Variants in DNAAF5 observed in about 807,000 individuals in gnomAD.
DNAAF5 encodes HEAT repeat containing 2.
DNAAF5 carries 64 observed loss-of-function variants against 75.8 expected under a neutral mutation model. The ratio of observed to expected loss-of-function variants is 0.84; its 90% CI spans 0.69 to 1.04. The LOEUF (loss-of-function observed/expected upper bound fraction) is 1.04, where lower values mean the gene tolerates loss of function less well. Among genes scored for constraint, DNAAF5 ranks in the 50% least tolerant of loss-of-function variants. The pLI is 0.00. For synonymous variants in DNAAF5, 657 were observed against 557.2 expected (o/e 1.18, Z -2.52); for missense variants, 1,269 against 1,178.5 (o/e 1.08, Z -1.12).
At chr7:779,621 G>A (rs1213430293) in intron 11 of DNAAF5, among the ~76,000 whole-genome samples, 1 of 152,076 alleles carries the variant, frequency 6.6e-6, no homozygotes, top group Non-Finnish European at 1.5e-5. Flanking sequence ...GGAGGTGGAG[G>A]GCCAGGTGAG....
chr7:743,237 G>A (rs1007267235), intron 4 of DNAAF5, among the ~76,000 whole-genome samples: 10 of 152,050 alleles, frequency 6.6e-5, no homozygotes, highest in South Asian at 4.1e-4. Flanking sequence ...TTAGCTGGGC[G>A]TGGTGGTGCA....
chr7:734,898 G>C (rs1411489536), intron 2 of DNAAF5, among the ~76,000 whole-genome samples: 1 of 151,994 alleles, frequency 6.6e-6, no homozygotes, highest in Non-Finnish European at 1.5e-5. Flanking sequence ...AGCTGCTCAC[G>C]GTGTTGCTCA....
intron 12 of DNAAF5, among the ~76,000 whole-genome samples, chr7:784,979 G>T (rs546004018): frequency 6.6e-6 from 1 of 152,160 alleles, no homozygotes; most frequent in South Asian, 2.1e-4. Context: ...CAGGTCACTT[G>T]TCCACGTTGT....
In DNAAF5 at chr7:754,549, C is replaced by T. The variant is rs1447380520; in HGVS notation, c.1025-40C>T. On this transcript the variant is annotated intron_variant, in intron 4 of 12. Coordinates refer to ENST00000297440, the MANE Select transcript of DNAAF5 (RefSeq NM_017802.4). This position sits in a 1 kb window ranked among gnomAD's most constrained non-coding sequence, Gnocchi z 4.8. Reference sequence around the variant, plus strand: ...GGTAACTTGAGTTGTTGAGGTTTTGCTTGTGAATTTCTCATTCTTCTTTCC... The same window carrying T: ...GGTAACTTGAGTTGTTGAGGTTTTGTTTGTGAATTTCTCATTCTTCTTTCC... 5.8e-6 allele frequency: 9 copies of T among 1,552,890 alleles called. No homozygotes were observed. The highest frequency in any genetic ancestry group is 1.1e-5 in the South Asian group (1 of 89,446).
intron 11 of DNAAF5, among the ~76,000 whole-genome samples, chr7:777,626 G>T (rs1778806960): frequency 6.6e-6 from 1 of 152,164 alleles, no homozygotes; most frequent in South Asian, 2.1e-4. Flanking sequence ...TACTTAATGT[G>T]ATTATCTATA....
chr7:744,894 C>T (rs547942674), intron 4 of DNAAF5, among the ~76,000 whole-genome samples: 113 of 152,302 alleles, frequency 7.4e-4, no homozygotes, highest in African/African-American at 2.6e-3. Context: ...TGAGCCACCA[C>T]GCCTGGACCA....
rs201909243 is a variant in DNAAF5, at chr7:730,816, C to T, written c.780+969C>T. Among the ~76,000 whole-genome samples, 305 of 149,540 alleles carry T rather than the reference C, an allele frequency of 2.0e-3. 4 individuals are homozygous for T. Among genetic ancestry groups the T allele is most frequent in the Admixed American group, 0.011 (170 of 14,972 alleles). The stretch of plus-strand genomic sequence containing the variant: ...CCACCAGGAGCCTTTGTTCACCCCC[C>T]TTGGTCTCATCAGGCCAGCGGAAGT... On this transcript the variant is annotated intron_variant, in intron 2 of 12. Coordinates refer to ENST00000297440, the MANE Select transcript of DNAAF5 (RefSeq NM_017802.4).
intron 9 of DNAAF5, 195 bp downstream of exon 9, chr7:770,813 C>A (rs1474462617): frequency 1.8e-6 from 1 of 552,504 alleles, no homozygotes; most frequent in East Asian, 2.9e-5. Context: ...CCCTCCCCCA[C>A]GCCGAGTCTA....
chr7:747,385 T>C (rs1183557930), intron 4 of DNAAF5, among the ~76,000 whole-genome samples: 1 of 152,156 alleles, frequency 6.6e-6, no homozygotes, highest in Non-Finnish European at 1.5e-5. Context: ...GTTTTTAGTG[T>C]GTCCAGCTGG....
intron 1 of DNAAF5, among the ~76,000 whole-genome samples, chr7:728,526 A>G (rs1023718762): frequency 2.0e-5 from 3 of 152,228 alleles, no homozygotes; most frequent in African/African-American, 7.2e-5. Context: ...TGGATTTCAC[A>G]TGGTCCAGAA....
chr7:775,984 C>T (rs1264634800), intron 11 of DNAAF5, among the ~76,000 whole-genome samples: 1 of 152,270 alleles, frequency 6.6e-6, no homozygotes. Flanking sequence ...TGGAACCAAA[C>T]CCCACAGATA....
rs749861437 is a variant in DNAAF5 at position 770,542 on chromosome 7, C to T, written c.1855C>T (p.Pro619Ser). The change falls in exon 9 of 13, where the codon CCG (proline) becomes TCG (serine). Residue 619 changes from proline to serine, a missense_variant. By Grantham distance (74) the Pro-to-Ser change is moderately conservative (BLOSUM62 -1). Transcript: ENST00000297440. Reference sequence around the variant, plus strand: ...GGCCTGTCTGCAGCCCTCCCAAGACCCGCAGATGCGCCTGAAGCTGTTCTC... The same window carrying T: ...GGCCTGTCTGCAGCCCTCCCAAGACTCGCAGATGCGCCTGAAGCTGTTCTC... Reference protein sequence around the residue: ...LRACLQPSQDPQMRLKLFSIL... With the variant: ...LRACLQPSQDSQMRLKLFSIL... The T allele has an allele frequency of 1.2e-6, 2 of 1,613,864 alleles. No individual in the cohort carries two copies. The highest frequency in any genetic ancestry group is 1.7e-5 in the Admixed American group (1 of 60,008).
chr7:761,478 C>G (rs1281476890), intron 6 of DNAAF5, among the ~76,000 whole-genome samples: 1 of 152,268 alleles, frequency 6.6e-6, no homozygotes, highest in Non-Finnish European at 1.5e-5. Flanking sequence ...GCCTCACCAT[C>G]ATGGTGGAAG....
In DNAAF5 at chr7:729,820, T is replaced by C. The variant is rs1245808637; in HGVS notation, c.753T>C (p.Ala251=). The C allele has an allele frequency of 1.9e-6, 3 of 1,614,220 alleles. No individual in the cohort carries two copies. In the South Asian group the frequency reaches 3.3e-5, roughly 18 times the overall value. The change falls in exon 2 of 13, where the codon GCT becomes GCC. Residue 251 remains alanine, a synonymous_variant. Transcript: ENST00000297440. ...KSVDDVLSHF[A]QRLFDDVPQV... is the part of the protein sequence containing the mutation. Reference sequence around the variant, plus strand: ...TGGACGACGTGCTTTCCCATTTTGCTCAGCGACTGTTTGATGACGTCCCGC... The same window carrying C: ...TGGACGACGTGCTTTCCCATTTTGCCCAGCGACTGTTTGATGACGTCCCGC...
chr7:758,425 A>G (rs990242518), intron 6 of DNAAF5, among the ~76,000 whole-genome samples: 9 of 152,184 alleles, frequency 5.9e-5, no homozygotes, highest in East Asian at 3.9e-4. Context: ...TTTAATCACA[A>G]TCTTTCAAAC....
At chr7:750,447 C>T (rs1289992752) in intron 4 of DNAAF5, among the ~76,000 whole-genome samples, 2 of 152,214 alleles carry the variant, frequency 1.3e-5, no homozygotes, top group Non-Finnish European at 2.9e-5. Context: ...TTGTGGAAGA[C>T]AATTTTTCCA....
At chr7:741,052 TC>T in intron 3 of DNAAF5, 109 bp downstream of exon 3, 1 of 1,279,702 alleles carries the variant, frequency 7.8e-7, no homozygotes, top group Non-Finnish European at 1.1e-6. Context: ...TGTCCCTTTG[TC>T]CCTGTGCTCC....
In DNAAF5 at chr7:756,787, C is replaced by T. The variant is rs1370206544; in HGVS notation, c.1263C>T (p.Thr421=). 4 of 1,613,430 alleles carry T rather than the reference C, an allele frequency of 2.5e-6. No homozygotes were observed. The highest frequency in any genetic ancestry group is 3.4e-6 in the Non-Finnish European group (4 of 1,179,834). Residue 421 remains threonine (T), a synonymous_variant, in exon 6 of 13, where the codon ACC becomes ACT. Transcript: ENST00000297440. ...DEEAAVVQSC[T]RSAELVGTFV... The stretch of plus-strand genomic sequence containing the variant: ...CTCATGTTTCTTTCTCGCAGTGTAC[C>T]AGATCCGCAGAGCTCGTCGGGACGT...
At chr7:770,710 GT>G in intron 9 of DNAAF5, 92 bp downstream of exon 9, 1 of 1,238,990 alleles carries the variant, frequency 8.1e-7, no homozygotes, top group South Asian at 1.3e-5. Context: ...GAGCAAGGGG[GT>G]TCCCACCTCC....
Sources: allele counts gnomAD v4.1 joint callset (sites outside exome capture counted in the v4.1 genomes callset), GRCh38; gene constraint gnomAD v4.1.1; non-coding constraint Gnocchi (gnomAD v3.1); transcripts MANE v1.5; gene names NCBI Gene and HGNC (gene_info 2026-07-23, HGNC 2026-07-21).